PATL1: variants seen among roughly 807,000 people sequenced by gnomAD.
PATL1 encodes protein PAT1 homolog 1.
A neutral mutation model predicts 100.6 loss-of-function variants in PATL1; 32 were observed. That is an observed-to-expected ratio of 0.32 (90% confidence interval 0.24 to 0.43). PATL1 has a LOEUF of 0.43. Ranked by LOEUF, PATL1 falls within the 20% of genes least tolerant of loss-of-function variation. The pLI is 1.00. For missense variants in PATL1, 747 were observed against 949.9 expected, an observed-to-expected ratio of 0.79 and a Z score of 2.81; for synonymous variants, 332 against 330.0, an observed-to-expected ratio of 1.01 and a Z score of -0.07.
intron 2 of PATL1, among the ~76,000 whole-genome samples, chr11:59,666,248 A>AG (rs1320280664): frequency 6.7e-6 from 1 of 150,122 alleles, no homozygotes; most frequent in Non-Finnish European, 1.5e-5. Context: ...TTCATCTCGA[A>AG]AAAGAATAAA....
At chr11:59,645,946 A>G (rs541774534) in intron 15 of PATL1, among the ~76,000 whole-genome samples, 16 of 152,354 alleles carry the variant, frequency 1.1e-4, no homozygotes, top group Non-Finnish European at 1.6e-4. Context: ...TAAAACATAC[A>G]GGTAAAAATC....
At chr11:59,653,098 T>A in intron 9 of PATL1, 80 bp from the exon 10 acceptor site, 1 of 460,584 alleles carries the variant, frequency 2.2e-6, no homozygotes. Context: ...ACCAGGCCAG[T>A]TTTTTTTTTT....
At chr11:59,648,407 A>C (rs1254756435) in intron 14 of PATL1, among the ~76,000 whole-genome samples, 2 of 151,202 alleles carry the variant, frequency 1.3e-5, no homozygotes, top group Non-Finnish European at 2.9e-5. Context: ...TTGGTCTCTG[A>C]ACTCTTGACC....
At chr11:59,644,901 T>TC (rs1861338902) in intron 15 of PATL1, among the ~76,000 whole-genome samples, 1 of 143,586 alleles carries the variant, frequency 7.0e-6, no homozygotes. Context: ...TTTTTTTTTT[T>TC]TTTTTTTTAA....
chr11:59,656,139 G>C, intron 6 of PATL1, 94 bp from the exon 7 acceptor site: 1 of 731,932 alleles, frequency 1.4e-6, no homozygotes, highest in Non-Finnish European at 2.1e-6. Context: ...TATAAACTTG[G>C]ATATAAAAAC....
chr11:59,642,585 G>A (rs565372331), intron 16 of PATL1: 1 of 237,552 alleles, frequency 4.2e-6, no homozygotes, highest in African/African-American at 2.3e-5. Context: ...TGGACCATGA[G>A]GAATAATGAA....
intron 15 of PATL1, among the ~76,000 whole-genome samples, chr11:59,647,124 G>A (rs542057209): frequency 1.4e-3 from 215 of 151,046 alleles, no homozygotes; most frequent in Non-Finnish European, 2.2e-3. Flanking sequence ...TCAGGAGGCT[G>A]AGGTGGCAGA....
At chr11:59,651,736 CT>C in intron 11 of PATL1, 95 bp from the exon 12 acceptor site, 1 of 780,326 alleles carries the variant, frequency 1.3e-6, no homozygotes. Context: ...TCCTCTGTCC[CT>C]TACTCATAGT....
Position 59,659,288 on chromosome 11 carries a change from A to T in PATL1, c.309T>A (p.Ala103=). Residue 103 remains alanine, a synonymous_variant, in exon 3 of 19, where the codon GCT becomes GCA. Transcript: ENST00000300146. ...GCCTGGTCTGCACTGCCCTCATAAT[A>T]GCTGGATCTTCTAGTTCATTTTCAA... ...MVIENELEDP[A]IMRAVQTRPV... 2 of 1,551,460 alleles carry T rather than the reference A, an allele frequency of 1.3e-6. No homozygotes were observed. The highest frequency in any genetic ancestry group is 1.7e-6 in the Non-Finnish European group (2 of 1,146,814).
chr11:59,646,589 T>C (rs891414011), intron 15 of PATL1, among the ~76,000 whole-genome samples: 1 of 152,230 alleles, frequency 6.6e-6, no homozygotes, highest in Non-Finnish European at 1.5e-5. Context: ...CAAGGATCTA[T>C]GAAAGAATAA....
chr11:59,649,406 G>T, intron 14 of PATL1, 56 bp downstream of exon 14: 1 of 1,583,922 alleles, frequency 6.3e-7, no homozygotes. Flanking sequence ...ATGAAATCCA[G>T]TTATGACAGA....
At chr11:59,668,816 G>A (rs1349515894) in intron 1 of PATL1, 65 bp downstream of exon 1, 15 of 865,702 alleles carry the variant, frequency 1.7e-5, no homozygotes, top group East Asian at 3.5e-5. Flanking sequence ...CCGGCGCGCG[G>A]AGAGAGAGTG....
At chr11:59,662,883 G>C (rs1408105116) in intron 2 of PATL1, among the ~76,000 whole-genome samples, 2 of 152,006 alleles carry the variant, frequency 1.3e-5, no homozygotes, top group East Asian at 3.8e-4. Context: ...AAAAATATTG[G>C]TTAAGTCGCC....
chr11:59,642,349 G>A lies in PATL1; in HGVS notation c.2049+531C>T, dbSNP rs549724874. 1.6e-4 allele frequency among the ~76,000 whole-genome samples: 24 copies of A among 152,306 alleles called. No individual in the cohort carries two copies. In the East Asian group the frequency reaches 4.4e-3, roughly 28 times the overall value. Reference sequence around the variant, plus strand: ...TCCTACCCATTATCAGAACTCTTATGTGTCATGACAATGGCATAAACTAAA... The same window carrying A: ...TCCTACCCATTATCAGAACTCTTATATGTCATGACAATGGCATAAACTAAA... On this transcript the variant is annotated intron_variant, in intron 16 of 18. Transcript: ENST00000300146.
intron 9 of PATL1, 97 bp downstream of exon 9, chr11:59,653,886 T>C (rs1051521413): frequency 1.1e-5 from 12 of 1,080,440 alleles, no homozygotes; most frequent in Non-Finnish European, 1.5e-5. Context: ...TGAAGTAAAC[T>C]TACTAAAAAA....
chr11:59,660,341 G>A (rs1368303963), intron 2 of PATL1, among the ~76,000 whole-genome samples: 1 of 152,148 alleles, frequency 6.6e-6, no homozygotes, highest in Non-Finnish European at 1.5e-5. Flanking sequence ...TTTCATGCAA[G>A]CAGGAAAGAG....
chr11:59,654,486 CATT>C (rs1861495331), intron 8 of PATL1, among the ~76,000 whole-genome samples: 1 of 65,122 alleles, frequency 1.5e-5, no homozygotes, highest in Non-Finnish European at 3.1e-5. Context: ...GTCTCAAAAA[CATT>C]AAAAAAAAAA....
Position 59,656,557 on chromosome 11 carries a change from G to C in PATL1, c.665C>G (p.Pro222Arg), listed in dbSNP as rs745578900. The C allele has an allele frequency of 1.2e-6, 2 of 1,613,962 alleles. No individual in the cohort carries two copies. Among genetic ancestry groups the C allele is most frequent in the South Asian group, 2.2e-5 (2 of 91,080 alleles). Residue 222 changes from proline to arginine, a missense_variant, in exon 6 of 19, where the codon CCT (proline) becomes CGT (arginine). Transcript: ENST00000300146. ...KPVHVRPPMP[P>R]RYPAPYGERM... ...CTCACCATAGGGAGCAGGATAACGA[G>C]GTGGCATTGGGGGCCGAACATGGAC...
At chr11:59,667,662 G>C (rs141168211) in intron 1 of PATL1, among the ~76,000 whole-genome samples, 2 of 152,200 alleles carry the variant, frequency 1.3e-5, no homozygotes, top group Admixed American at 1.3e-4. Flanking sequence ...AGGCTGTAAG[G>C]CTCAATGTCT....
Sources: allele counts gnomAD v4.1 joint callset (sites outside exome capture counted in the v4.1 genomes callset), GRCh38; gene constraint gnomAD v4.1.1; transcripts MANE v1.5; gene names NCBI Gene and HGNC (gene_info 2026-07-23, HGNC 2026-07-21).